The following TBX15 variants were observed in gnomAD, a reference collection of about 807,000 sequenced individuals.
The protein encoded by TBX15 is T-box transcription factor 15.
A neutral mutation model predicts 53.9 loss-of-function variants in TBX15; 18 were observed. The ratio of observed to expected loss-of-function variants is 0.33; its 90% CI spans 0.23 to 0.49. TBX15 has a LOEUF of 0.49. TBX15 is among the 20% of genes least tolerant of loss of function. TBX15 has a pLI of 0.98. For synonymous variants in TBX15, 295 were observed against 278.0 expected (o/e 1.06, Z -0.61); for missense variants, 692 against 749.5 (o/e 0.92, Z 0.90).
chr1:118,963,335 C>T (rs1656938939), intron 1 of TBX15, among the ~76,000 whole-genome samples: 4 of 152,190 alleles, frequency 2.6e-5, no homozygotes, highest in Admixed American at 2.0e-4. Context: ...CAATCCTCTC[C>T]TTTACAATGT....
intron 1 of TBX15, among the ~76,000 whole-genome samples, chr1:118,983,798 G>C (rs905320533): frequency 1.3e-5 from 2 of 152,096 alleles, no homozygotes; most frequent in African/African-American, 4.8e-5. Flanking sequence ...CGCGTTCGCC[G>C]AACACCCTGT....
At chr1:118,902,050 T>C (rs996435024) in intron 6 of TBX15, among the ~76,000 whole-genome samples, 1 of 152,094 alleles carries the variant, frequency 6.6e-6, no homozygotes, top group Non-Finnish European at 1.5e-5. Context: ...ATCTATGTCT[T>C]ATAAATATAT....
In TBX15 at chr1:118,923,382, G is replaced by A. The variant is rs565670285; in HGVS notation, c.861+54C>T. 2.5e-6 allele frequency: 4 copies of A among 1,607,528 alleles called. No homozygotes were observed. In the African/African-American group the frequency reaches 5.3e-5, roughly 21 times the overall value. On this transcript the variant is annotated intron_variant, in intron 5 of 7. Coordinates refer to ENST00000369429, the MANE Select transcript of TBX15 (RefSeq NM_001330677.2). ...GTAAATAATACCTAAGGAATCTTATGCAGAAGGACCAAAAAACAGATGTAG... is the reference window on the plus strand; with the variant it reads ...GTAAATAATACCTAAGGAATCTTATACAGAAGGACCAAAAAACAGATGTAG...
chr1:118,933,608 G>C (rs1481405870), intron 1 of TBX15, among the ~76,000 whole-genome samples: 3 of 152,126 alleles, frequency 2.0e-5, no homozygotes. Context: ...AGCTGTTGCT[G>C]AGTGACAAAT....
intron 1 of TBX15, 42 bp downstream of exon 1, chr1:118,987,549 C>A (rs1557912278): frequency 8.5e-6 from 13 of 1,528,324 alleles, no homozygotes; most frequent in Admixed American, 2.0e-5. Flanking sequence ...CTTCGGCGTC[C>A]CCTCTCCGCC....
chr1:118,970,844 C>A (rs1440395784), intron 1 of TBX15, among the ~76,000 whole-genome samples: 1 of 152,138 alleles, frequency 6.6e-6, no homozygotes, highest in African/African-American at 2.4e-5. Context: ...TGTGGCTGAG[C>A]CCTAAGCTGG....
chr1:118,945,299 T>C (rs984110991), intron 1 of TBX15, among the ~76,000 whole-genome samples: 1 of 152,190 alleles, frequency 6.6e-6, no homozygotes, highest in African/African-American at 2.4e-5. Context: ...TAAAGCAGCA[T>C]ACTACAGTCC....
At chr1:118,907,472 T>C (rs755924069) in intron 6 of TBX15, among the ~76,000 whole-genome samples, 12 of 152,352 alleles carry the variant, frequency 7.9e-5, no homozygotes, top group South Asian at 4.1e-4. Flanking sequence ...TGTAAAATCT[T>C]GGCAGCCACC....
At chr1:118,898,647 C>T (rs1019281020) in intron 7 of TBX15, among the ~76,000 whole-genome samples, 10 of 152,036 alleles carry the variant, frequency 6.6e-5, no homozygotes, top group African/African-American at 1.9e-4. Context: ...TTGCTCATCA[C>T]GAAACTTTTC....
intron 1 of TBX15, among the ~76,000 whole-genome samples, chr1:118,985,973 T>G (rs1057211310): frequency 6.6e-6 from 1 of 152,320 alleles, no homozygotes; most frequent in Middle Eastern, 3.4e-3. Flanking sequence ...TATGACCCCA[T>G]GTATTACCCA....
chr1:118,908,821 CAT>C (rs1654928804), intron 6 of TBX15, among the ~76,000 whole-genome samples: 1 of 151,642 alleles, frequency 6.6e-6, no homozygotes, highest in Admixed American at 6.6e-5. Flanking sequence ...CACACACACA[CAT>C]TCACACATAT....
chr1:118,915,292 C>G (rs1655182407), intron 5 of TBX15, among the ~76,000 whole-genome samples: 1 of 152,224 alleles, frequency 6.6e-6, no homozygotes, highest in African/African-American at 2.4e-5. Flanking sequence ...GAACGTATCA[C>G]TAGGACAGCT....
At chr1:118,938,196 A>G (rs1425126326) in intron 1 of TBX15, among the ~76,000 whole-genome samples, 1 of 152,222 alleles carries the variant, frequency 6.6e-6, no homozygotes, top group African/African-American at 2.4e-5. Context: ...GATGATAGCA[A>G]ACACTCAAAT....
rs1466720971 is a variant in TBX15, at chr1:118,932,668, C to T, written c.206-836G>A. Among the ~76,000 whole-genome samples, 3 of 152,102 alleles carry T rather than the reference C, an allele frequency of 2.0e-5. No individual in the cohort carries two copies. In the East Asian group the frequency reaches 5.8e-4, roughly 29 times the overall value. On this transcript the variant is annotated intron_variant, in intron 1 of 7. Transcript: ENST00000369429. ...GGCATGCTGGTCCAGATGGTCCTTT[C>T]CTGTGTCTTCTGTACTCATGAAGAC... is the stretch of plus-strand genomic sequence containing the variant.
chr1:118,976,297 T>C (rs1366475838), intron 1 of TBX15, among the ~76,000 whole-genome samples: 2 of 152,192 alleles, frequency 1.3e-5, no homozygotes, highest in Non-Finnish European at 2.9e-5. Flanking sequence ...TCTTCTTTTA[T>C]TCTTGTTGTT....
intron 2 of TBX15, among the ~76,000 whole-genome samples, chr1:118,928,990 T>C (rs1414549090): frequency 6.6e-6 from 1 of 152,238 alleles, no homozygotes; most frequent in Non-Finnish European, 1.5e-5. Flanking sequence ...TTTCTTTTTG[T>C]CACATTTTAG....
intron 1 of TBX15, among the ~76,000 whole-genome samples, chr1:118,965,467 CAT>C (rs530503993): frequency 1.4e-3 from 214 of 152,268 alleles, no homozygotes; most frequent in African/African-American, 4.7e-3. Context: ...AATGGGCTGT[CAT>C]ACACTGTGGG....
intron 7 of TBX15, among the ~76,000 whole-genome samples, chr1:118,888,922 A>AG (rs1033535550): frequency 2.0e-5 from 3 of 151,916 alleles, no homozygotes; most frequent in Admixed American, 6.6e-5. Flanking sequence ...AGAAAAAAAA[A>AG]AAAAGGTGGG....
intron 1 of TBX15, among the ~76,000 whole-genome samples, chr1:118,946,325 T>C (rs901752430): frequency 6.6e-6 from 1 of 152,146 alleles, no homozygotes; most frequent in Non-Finnish European, 1.5e-5. Flanking sequence ...CTAAAGTCAA[T>C]GGACAAGCTT....
Sources: gnomAD v4.1 joint callset for allele counts (sites outside exome capture counted in the v4.1 genomes callset) on GRCh38, gnomAD v4.1.1 for gene constraint, MANE v1.5 for transcripts, NCBI Gene and HGNC (gene_info 2026-07-23, HGNC 2026-07-21) for gene names.